Variants in LRRC4C observed in about 807,000 individuals in gnomAD.
LRRC4C encodes leucine rich repeat containing 4C, also known as leucine-rich repeat-containing protein 4C.
A neutral mutation model predicts 33.6 loss-of-function variants in LRRC4C; 5 were observed. The observed-to-expected ratio is 0.15, with a 90% confidence interval of 0.08 to 0.31. The LOEUF (loss-of-function observed/expected upper bound fraction) is 0.31, where lower values mean the gene tolerates loss of function less well. Ranked by LOEUF, LRRC4C falls within the 10% of genes least tolerant of loss-of-function variation. LRRC4C has a pLI of 1.00. For missense variants in LRRC4C, 560 were observed against 796.7 expected (o/e 0.70, Z 3.58); for synonymous variants, 329 against 302.0 (o/e 1.09, Z -0.93).
intron 3 of LRRC4C, among the ~76,000 whole-genome samples, chr11:40,466,657 T>C (rs1214187394): frequency 6.6e-6 from 1 of 151,916 alleles, no homozygotes; most frequent in Admixed American, 6.6e-5. Context: ...AAGATAATAA[T>C]TGTGTAATAT....
chr11:41,418,068 G>A (rs745473270), intron 1 of LRRC4C, among the ~76,000 whole-genome samples: 95 of 151,492 alleles, frequency 6.3e-4, no homozygotes, highest in Non-Finnish European at 1.3e-3. Context: ...AAATTACTTG[G>A]CTAGCTCAAA....
At chr11:40,994,530 C>T (rs936233814) in intron 1 of LRRC4C, among the ~76,000 whole-genome samples, 7 of 152,220 alleles carry the variant, frequency 4.6e-5, no homozygotes, top group Admixed American at 3.9e-4. Context: ...TTGGACCTTG[C>T]TCCTACCCAT....
chr11:40,292,417 T>C (rs942827804), intron 4 of LRRC4C: 1 of 152,220 alleles, frequency 6.6e-6, no homozygotes, highest in Non-Finnish European at 1.5e-5. Flanking sequence ...TCTGCCGCGG[T>C]CAACTTTTCT....
intron 1 of LRRC4C, among the ~76,000 whole-genome samples, chr11:41,251,518 T>C (rs955515972): frequency 1.9e-4 from 29 of 152,228 alleles, no homozygotes; most frequent in African/African-American, 5.3e-4. Flanking sequence ...TTTTGTATTA[T>C]TCCAAGCCAT....
intron 4 of LRRC4C, among the ~76,000 whole-genome samples, chr11:40,270,389 C>T (rs1421050427): frequency 6.6e-6 from 1 of 151,998 alleles, no homozygotes; most frequent in Non-Finnish European, 1.5e-5. Flanking sequence ...TCTGCTTGCA[C>T]ATCTGGGTCC....
intron 1 of LRRC4C, among the ~76,000 whole-genome samples, chr11:40,934,289 G>A (rs545999261): frequency 3.6e-4 from 55 of 152,046 alleles, no homozygotes; most frequent in African/African-American, 1.3e-3. Flanking sequence ...TACCTCATCC[G>A]TAATCCCACA....
intron 4 of LRRC4C, among the ~76,000 whole-genome samples, chr11:40,304,170 G>A (rs1452410625): frequency 6.6e-6 from 1 of 152,114 alleles, no homozygotes; most frequent in Non-Finnish European, 1.5e-5. Context: ...TTTTCCACTT[G>A]TAATTTGGGG....
chr11:41,048,772 C>T (rs1857985124), intron 1 of LRRC4C, among the ~76,000 whole-genome samples: 1 of 152,134 alleles, frequency 6.6e-6, no homozygotes. Context: ...ATATATTAGT[C>T]TGGTTCCTTC....
At chr11:40,193,489 A>G (rs1274147284) in intron 5 of LRRC4C, among the ~76,000 whole-genome samples, 2 of 152,216 alleles carry the variant, frequency 1.3e-5, no homozygotes, top group African/African-American at 4.8e-5. Context: ...AAATTCACAA[A>G]TATGAGGAAA....
rs117351615 is a variant in LRRC4C, at chr11:40,237,525, T to C, written c.-96+3994A>G. Among the ~76,000 whole-genome samples, 496 of 152,280 alleles carry C rather than the reference T, an allele frequency of 3.3e-3. 3 individuals are homozygous for C. Among genetic ancestry groups the C allele is most frequent in the Non-Finnish European group, 5.2e-3 (354 of 68,012 alleles). On this transcript the variant is annotated intron_variant, in intron 5 of 6. Transcript: ENST00000528697. ...GGTCGCGGTATGGATTAAGTAGCATTGTGTATATAAAGAATCTGGCAAAGT... is the reference window on the plus strand; with the variant it reads ...GGTCGCGGTATGGATTAAGTAGCATCGTGTATATAAAGAATCTGGCAAAGT...
intron 1 of LRRC4C, among the ~76,000 whole-genome samples, chr11:41,411,140 C>CTTTTTTTTTT (rs1249968357): frequency 3.0e-4 from 15 of 49,898 alleles, no homozygotes; most frequent in Admixed American, 3.3e-4. Flanking sequence ...GGTTGGTACC[C>CTTTTTTTTTT]TATTTTTTTT....
chr11:40,491,853 G>A (rs1266555649), intron 3 of LRRC4C, among the ~76,000 whole-genome samples: 1 of 152,114 alleles, frequency 6.6e-6, no homozygotes, highest in African/African-American at 2.4e-5. Flanking sequence ...TTTTCACAGA[G>A]GGGAATTACA....
At chr11:41,155,811 C>T (rs1164728079) in intron 1 of LRRC4C, among the ~76,000 whole-genome samples, 1 of 152,126 alleles carries the variant, frequency 6.6e-6, no homozygotes, top group Non-Finnish European at 1.5e-5. Flanking sequence ...CTCGATCCCC[C>T]TAAATTCAGA....
intron 2 of LRRC4C, among the ~76,000 whole-genome samples, chr11:40,734,245 T>C (rs150447799): frequency 1.3e-5 from 2 of 152,170 alleles, no homozygotes; most frequent in Admixed American, 1.3e-4. Flanking sequence ...CTACAATTAT[T>C]AAACCCCCTG....
intron 1 of LRRC4C, among the ~76,000 whole-genome samples, chr11:41,046,140 A>G (rs1012049235): frequency 5.3e-5 from 8 of 152,180 alleles, no homozygotes; most frequent in African/African-American, 1.9e-4. Context: ...AAATGCTAAT[A>G]AAGGAATAAC....
At chr11:40,919,286 T>A (rs2136343718) in intron 2 of LRRC4C, among the ~76,000 whole-genome samples, 1 of 152,312 alleles carries the variant, frequency 6.6e-6, no homozygotes, top group Middle Eastern at 3.4e-3. Context: ...ATCCAAGTTT[T>A]ACCACCTTCT....
intron 2 of LRRC4C, among the ~76,000 whole-genome samples, chr11:40,713,392 A>G (rs1310640532): frequency 6.6e-6 from 1 of 152,188 alleles, no homozygotes; most frequent in African/African-American, 2.4e-5. Flanking sequence ...GGGGATGCCA[A>G]CAAATTCCTC....
intron 4 of LRRC4C, among the ~76,000 whole-genome samples, chr11:40,276,358 T>C (rs959891730): frequency 6.6e-6 from 1 of 152,234 alleles, no homozygotes; most frequent in South Asian, 2.1e-4. Context: ...TAATATAAAA[T>C]AGTGACTAGC....
Position 40,116,060 on chromosome 11 carries a change from G to T in LRRC4C, c.233C>A (p.Thr78Lys). The change falls in exon 7 of 7, where the codon ACA (threonine) becomes AAA (lysine). Residue 78 changes from threonine to lysine, a missense_variant. Transcript: ENST00000528697. ...GTTCTCATGGAGGTTCAGCAGCCGT[G>T]TGTTGGTGGAGATGCCATCCGGAAC... ...REVPDGISTN[T>K]RLLNLHENQI... The T allele has an allele frequency of 6.2e-7, 1 of 1,614,090 alleles. No individual in the cohort carries two copies. Among genetic ancestry groups the T allele is most frequent in the Non-Finnish European group, 8.5e-7 (1 of 1,180,012 alleles).
Sources: gnomAD v4.1 joint callset for allele counts (sites outside exome capture counted in the v4.1 genomes callset) on GRCh38, gnomAD v4.1.1 for gene constraint, MANE v1.5 for transcripts, NCBI Gene and HGNC (gene_info 2026-07-23, HGNC 2026-07-21) for gene names.